The following ABTB3 variants were observed in gnomAD, a reference collection of about 807,000 sequenced individuals.
ABTB3 encodes ankyrin repeat and BTB domain containing 3.
chr12:107,430,726 T>A, the ABTB3 span, among the ~76,000 whole-genome samples: 1 of 152,264 alleles, frequency 6.6e-6, no homozygotes, highest in Non-Finnish European at 1.5e-5. Context: ...GTAAGTATGA[T>A]GTTGATTATT....
the ABTB3 span, among the ~76,000 whole-genome samples, chr12:107,369,706 G>GTT: frequency 4.2e-3 from 314 of 74,746 alleles, 3 homozygotes; most frequent in African/African-American, 0.013. Flanking sequence ...GCCCAAACAT[G>GTT]GTTTTTTTTT....
the ABTB3 span, among the ~76,000 whole-genome samples, chr12:107,478,781 A>C: frequency 1.3e-5 from 2 of 151,968 alleles, no homozygotes; most frequent in Non-Finnish European, 2.9e-5. Context: ...ATTATCTAGA[A>C]TCCAAGAGTT....
At chr12:107,606,502 G>A in the ABTB3 span, among the ~76,000 whole-genome samples, 3 of 152,250 alleles carry the variant, frequency 2.0e-5, no homozygotes, top group Non-Finnish European at 4.4e-5. Flanking sequence ...TTGTAGCCCC[G>A]TAGTGTGGGG....
the ABTB3 span, among the ~76,000 whole-genome samples, chr12:107,362,322 G>A: frequency 8.5e-5 from 13 of 152,228 alleles, no homozygotes; most frequent in East Asian, 1.9e-4. Flanking sequence ...AGGAGGATGC[G>A]TGGATGAGCT....
At chr12:107,518,423 A>C in the ABTB3 span, among the ~76,000 whole-genome samples, 6 of 152,186 alleles carry the variant, frequency 3.9e-5, no homozygotes, top group Non-Finnish European at 8.8e-5. Context: ...CTATGCAGCC[A>C]TAAAAAATGA....
the ABTB3 span, among the ~76,000 whole-genome samples, chr12:107,532,102 C>T: frequency 6.6e-6 from 1 of 152,246 alleles, no homozygotes; most frequent in South Asian, 2.1e-4. Flanking sequence ...TGGTCCCACA[C>T]ATCACTCAGG....
At chr12:107,605,767 T>A in the ABTB3 span, among the ~76,000 whole-genome samples, 2 of 152,200 alleles carry the variant, frequency 1.3e-5, no homozygotes, top group Non-Finnish European at 2.9e-5. Flanking sequence ...GCTGTGGCAG[T>A]AACTGGATAT....
At chr12:107,536,345 T>TA in the ABTB3 span, among the ~76,000 whole-genome samples, 2 of 152,036 alleles carry the variant, frequency 1.3e-5, no homozygotes, top group African/African-American at 4.8e-5. Flanking sequence ...ATTTTAGAGG[T>TA]AAGACTTCAA....
chr12:107,548,300 A>C, the ABTB3 span, among the ~76,000 whole-genome samples: 1 of 152,226 alleles, frequency 6.6e-6, no homozygotes, highest in African/African-American at 2.4e-5. Flanking sequence ...TCTAGACTAT[A>C]AGCTCTTCAA....
the ABTB3 span, chr12:107,651,927 G>A: frequency 3.1e-6 from 2 of 651,106 alleles, no homozygotes; most frequent in South Asian, 1.8e-5. Flanking sequence ...CTCTGCCAAG[G>A]TCTTGCTTCC....
the ABTB3 span, among the ~76,000 whole-genome samples, chr12:107,559,081 G>A: frequency 3.3e-5 from 5 of 152,226 alleles, no homozygotes; most frequent in Non-Finnish European, 7.3e-5. Flanking sequence ...GCCTGGCACA[G>A]AGTGGGTGGG....
the ABTB3 span, among the ~76,000 whole-genome samples, chr12:107,485,910 C>A: frequency 6.6e-6 from 1 of 152,262 alleles, no homozygotes. Context: ...TTCCTGCTAA[C>A]GAAATACATT....
chr12:107,417,680 G>A, the ABTB3 span, among the ~76,000 whole-genome samples: 6 of 152,228 alleles, frequency 3.9e-5, no homozygotes, highest in Admixed American at 6.5e-5. Context: ...CGCGCATAGC[G>A]TGTGTACCAT....
the ABTB3 span, among the ~76,000 whole-genome samples, chr12:107,441,907 T>G: frequency 1.3e-5 from 2 of 151,974 alleles, no homozygotes; most frequent in African/African-American, 4.8e-5. Flanking sequence ...ACCACTATAC[T>G]TCAGCCTAGG....
chr12:107,657,506 C>T, the ABTB3 span: 3 of 1,613,500 alleles, frequency 1.9e-6, no homozygotes, highest in East Asian at 4.5e-5. Context: ...CCACTCTCCA[C>T]AGTTTCTTGG....
the ABTB3 span, among the ~76,000 whole-genome samples, chr12:107,594,742 T>C: frequency 1.3e-5 from 2 of 152,210 alleles, no homozygotes; most frequent in African/African-American, 4.8e-5. Context: ...GTCAGACATA[T>C]AGTCCTCTGA....
chr12:107,357,590 C>A, the ABTB3 span, among the ~76,000 whole-genome samples: 1 of 151,902 alleles, frequency 6.6e-6, no homozygotes, highest in African/African-American at 2.4e-5. Context: ...TAGCCTGGGC[C>A]ACAGAGTAAG....
At chr12:107,551,000 T>C in the ABTB3 span, among the ~76,000 whole-genome samples, 1,275 of 152,312 alleles carry the variant, frequency 8.4e-3, 10 homozygotes, top group Non-Finnish European at 0.014. Flanking sequence ...ACATCACAGT[T>C]GAGAACAAAA....
chr12:107,477,807 A>G, the ABTB3 span, among the ~76,000 whole-genome samples: 1 of 152,208 alleles, frequency 6.6e-6, no homozygotes, highest in Non-Finnish European at 1.5e-5. Context: ...CTTCAAATAA[A>G]TGATAGACCA....
Sources: gnomAD v4.1 joint callset for allele counts (sites outside exome capture counted in the v4.1 genomes callset) on GRCh38, gnomAD v4.1.1 for gene constraint, MANE v1.5 for transcripts, NCBI Gene and HGNC (gene_info 2026-07-23, HGNC 2026-07-21) for gene names.